Variants in FANCB observed in about 807,000 individuals in gnomAD.
FANCB encodes the protein Fanconi anemia group B protein.
A neutral mutation model predicts 38.9 loss-of-function variants in FANCB; 5 were observed. The ratio of observed to expected loss-of-function variants is 0.13; its 90% CI spans 0.07 to 0.27. The LOEUF is 0.27. FANCB is among the 10% of genes least tolerant of loss of function. The pLI is 1.00. For missense variants in FANCB, 573 were observed against 602.7 expected, an observed-to-expected ratio of 0.95 and a Z score of 0.52; for synonymous variants, 236 against 215.4, an observed-to-expected ratio of 1.10 and a Z score of -0.84.
the FANCB span, among the ~76,000 whole-genome samples, chrX:14,810,456 C>T: frequency 8.9e-6 from 1 of 111,799 alleles, no homozygotes; most frequent in African/African-American, 3.3e-5. Flanking sequence ...ATAACCAATA[C>T]AGAGAAGTGC....
At chrX:14,843,177 C>T (rs1193546402), downstream of FANCB, among the ~76,000 whole-genome samples, 2 of 111,608 alleles carry the variant, frequency 1.8e-5, no homozygotes, top group Non-Finnish European at 3.8e-5. Flanking sequence ...ATTTCTCAAC[C>T]TCTGCATTAC....
chrX:14,785,997 G>A, the FANCB span, among the ~76,000 whole-genome samples: 2 of 111,900 alleles, frequency 1.8e-5, no homozygotes, highest in African/African-American at 6.5e-5. Flanking sequence ...AGAGAGAGAA[G>A]TTAACTGCAG....
At chrX:14,705,445 C>T in the FANCB span, among the ~76,000 whole-genome samples, 1 of 111,911 alleles carries the variant, frequency 8.9e-6, no homozygotes, top group Admixed American at 9.4e-5. Flanking sequence ...AAACATCCTA[C>T]AGTGCACAGG....
At chrX:14,823,557 C>G in the FANCB span, among the ~76,000 whole-genome samples, 65 of 112,025 alleles carry the variant, frequency 5.8e-4, no homozygotes, top group East Asian at 0.012. Flanking sequence ...CAGCGACCAT[C>G]TTACTGTTTG....
chrX:14,708,619 T>G, the FANCB span, among the ~76,000 whole-genome samples: 1 of 111,327 alleles, frequency 9.0e-6, no homozygotes, highest in Non-Finnish European at 1.9e-5. Flanking sequence ...TCTGCCCAAT[T>G]ATACAGCACA....
chrX:14,767,061 T>C, the FANCB span, among the ~76,000 whole-genome samples: 1 of 112,425 alleles, frequency 8.9e-6, no homozygotes, highest in South Asian at 3.7e-4. Flanking sequence ...ACGGTGTATA[T>C]ATACCACATT....
the FANCB span, among the ~76,000 whole-genome samples, chrX:14,719,986 A>G: frequency 9.0e-6 from 1 of 111,594 alleles, no homozygotes; most frequent in African/African-American, 3.3e-5. Flanking sequence ...GGAGCTGAAA[A>G]AGTAGATCTC....
At chrX:14,721,327 T>C in the FANCB span, among the ~76,000 whole-genome samples, 3 of 61,752 alleles carry the variant, frequency 4.9e-5, no homozygotes, top group Non-Finnish European at 9.5e-5. Flanking sequence ...ATTTTAAGTG[T>C]TCTCACCACA....
At position 14,843,825 on chromosome X, in the gene FANCB, A is replaced by C. The variant is rs765307016; in HGVS notation, c.2322T>G (p.Ser774=). The C allele has an allele frequency of 3.3e-6, 4 of 1,209,092 alleles. No homozygotes were observed. The African/African-American group carries it at 5.2e-5, about 16-fold the overall frequency. The change falls in exon 10 of 10, where the codon TCT becomes TCG. Residue 774 remains serine (S), a synonymous_variant. Coordinates refer to ENST00000650831, the MANE Select transcript of FANCB (RefSeq NM_001018113.3). The part of the protein sequence containing the change: ...EKELVTLSSL[S]SAIAKHESNF... ...TGCTTTCATGTTTAGCTATGGCAGA[A>C]GAAAGAGAACTAAGGGTGACTAGTT...
At chrX:14,725,090 C>A in the FANCB span, among the ~76,000 whole-genome samples, 5 of 111,754 alleles carry the variant, frequency 4.5e-5, no homozygotes, top group East Asian at 8.4e-4. Flanking sequence ...CTATAGGAAG[C>A]CACATAACTT....
downstream of FANCB, among the ~76,000 whole-genome samples, chrX:14,842,392 C>T (rs774715265): frequency 4.5e-5 from 5 of 111,924 alleles, no homozygotes; most frequent in African/African-American, 3.2e-5. Context: ...GCCACAAGCA[C>T]GAGATGCCAC....
intron 10 of FANCB, among the ~76,000 whole-genome samples, chrX:14,837,444 T>C (rs1292390648): frequency 8.9e-6 from 1 of 112,227 alleles, no homozygotes; most frequent in Non-Finnish European, 1.9e-5. Context: ...TGGAGACTGG[T>C]GGTTCTAACA....
chrX:14,691,294 T>A, the FANCB span, among the ~76,000 whole-genome samples: 6 of 103,457 alleles, frequency 5.8e-5, no homozygotes, highest in African/African-American at 1.9e-4. Flanking sequence ...TGTGTGTGTG[T>A]GTGTGTGTGT....
At chrX:14,819,031 G>A in the FANCB span, among the ~76,000 whole-genome samples, 2 of 112,282 alleles carry the variant, frequency 1.8e-5, no homozygotes, top group African/African-American at 6.5e-5. Context: ...AATCCACACC[G>A]ACAAAACTGC....
At chrX:14,766,777 T>A in the FANCB span, among the ~76,000 whole-genome samples, 3 of 110,693 alleles carry the variant, frequency 2.7e-5, no homozygotes, top group African/African-American at 9.9e-5. Context: ...GCTGCACAGA[T>A]CATCCCATCA....
At chrX:14,781,423 G>C in the FANCB span, among the ~76,000 whole-genome samples, 2 of 111,293 alleles carry the variant, frequency 1.8e-5, no homozygotes, top group African/African-American at 6.5e-5. Context: ...GATGGAATGA[G>C]AGTCTGTCTC....
chrX:14,738,966 T>C, the FANCB span, among the ~76,000 whole-genome samples: 8 of 112,243 alleles, frequency 7.1e-5, no homozygotes, highest in Non-Finnish European at 1.5e-4. Flanking sequence ...TTCACAGCTT[T>C]GGAAAATAAA....
the FANCB span, among the ~76,000 whole-genome samples, chrX:14,724,626 C>CAAAAAAAAAAAAAAAAAAAAAA: frequency 2.0e-5 from 1 of 49,583 alleles, no homozygotes; most frequent in African/African-American, 8.7e-5. Flanking sequence ...AACTCTGTCT[C>CAAAAAAAAAAAAAAAAAAAAAA]AAAAAAAAAA....
downstream of FANCB, chrX:14,843,307 C>T (rs2147385645): frequency 3.2e-6 from 1 of 312,637 alleles, no homozygotes; most frequent in African/African-American, 2.8e-5. Context: ...TGCCTCACCC[C>T]TTCCTGACCC....
Sources: gnomAD v4.1 joint callset for allele counts (sites outside exome capture counted in the v4.1 genomes callset) on GRCh38, gnomAD v4.1.1 for gene constraint, MANE v1.5 for transcripts, NCBI Gene and HGNC (gene_info 2026-07-23, HGNC 2026-07-21) for gene names.